Variants in SPATS2 observed in about 807,000 individuals in gnomAD.
SPATS2 encodes spermatogenesis associated serine rich 2.
Under a neutral mutation model 63.7 loss-of-function variants are expected in SPATS2, and 38 were observed. The ratio of observed to expected loss-of-function variants is 0.60; its 90% CI spans 0.46 to 0.78. SPATS2 has a LOEUF of 0.78. SPATS2 is among the 30% of genes least tolerant of loss of function. The pLI, the probability that SPATS2 is intolerant of heterozygous loss-of-function variation, is 0.00. For missense variants in SPATS2, 588 were observed against 666.2 expected (o/e 0.88, Z 1.29); for synonymous variants, 207 against 232.9 (o/e 0.89, Z 1.01).
intron 3 of SPATS2, 21 bp from the exon 4 acceptor site, chr12:49,484,569 A>G (rs1946257394): frequency 6.2e-7 from 1 of 1,610,260 alleles, no homozygotes; most frequent in African/African-American, 1.3e-5. Flanking sequence ...TGTTGAATAT[A>G]TTTTTCCCTT....
chr12:49,396,890 G>A (rs1021962802), intron 2 of SPATS2, among the ~76,000 whole-genome samples: 1 of 152,142 alleles, frequency 6.6e-6, no homozygotes, highest in Non-Finnish European at 1.5e-5. Context: ...CTGGACTTCA[G>A]CTCTGTAATA....
intron 8 of SPATS2, among the ~76,000 whole-genome samples, chr12:49,498,145 A>ATATATATATATATATAT (rs1555191173): frequency 8.1e-5 from 8 of 98,958 alleles, no homozygotes; most frequent in African/African-American, 2.9e-4. Context: ...AAAAAAAAAA[A>ATATATATATATATATAT]ATATATATAT....
At chr12:49,404,999 A>G (rs979168459) in intron 2 of SPATS2, among the ~76,000 whole-genome samples, 14 of 139,876 alleles carry the variant, frequency 1.0e-4, no homozygotes, top group Middle Eastern at 7.1e-3. Context: ...TTTTTTTTGT[A>G]TTGTCTATGG....
At chr12:49,438,845 A>G (rs563097193) in intron 2 of SPATS2, among the ~76,000 whole-genome samples, 1 of 152,296 alleles carries the variant, frequency 6.6e-6, no homozygotes, top group East Asian at 1.9e-4. Context: ...TCTATCTGCT[A>G]TGTGCCCGGT....
intron 4 of SPATS2, 70 bp from the exon 5 acceptor site, chr12:49,489,395 C>G: frequency 8.8e-7 from 1 of 1,137,744 alleles, no homozygotes; most frequent in Non-Finnish European, 1.3e-6. Context: ...TTTCATTATT[C>G]TCTGTATAGG....
At chr12:49,388,321 A>C (rs1407374218) in intron 2 of SPATS2, among the ~76,000 whole-genome samples, 2 of 151,790 alleles carry the variant, frequency 1.3e-5, no homozygotes, top group African/African-American at 4.8e-5. Context: ...GTTTACACTT[A>C]TTTCTGCTGT....
At chr12:49,400,780 A>G (rs997282203) in intron 2 of SPATS2, among the ~76,000 whole-genome samples, 1 of 152,246 alleles carries the variant, frequency 6.6e-6, no homozygotes, top group African/African-American at 2.4e-5. Flanking sequence ...TGGATGAGGC[A>G]AAAGTTTTGA....
chr12:49,525,997 G>A lies in SPATS2; in HGVS notation c.1380G>A (p.Lys460=), dbSNP rs771443411. Residue 460 remains lysine, a synonymous_variant, in exon 14 of 14, where the codon AAG becomes AAA. Transcript: ENST00000552918. ...GGQGYRPQGQ[K]SNDPMNQGRH... is the part of the protein sequence containing the mutation. Reference sequence around the variant, plus strand: ...AGGGCTATAGGCCACAAGGCCAAAAGTCCAATGACCCCATGAACCAAGGGC... The same window carrying A: ...AGGGCTATAGGCCACAAGGCCAAAAATCCAATGACCCCATGAACCAAGGGC... 3.7e-6 allele frequency: 6 copies of A among 1,614,268 alleles called. No homozygotes were observed. The highest frequency in any genetic ancestry group is 5.1e-6 in the Non-Finnish European group (6 of 1,180,050).
chr12:49,502,219 G>A (rs1946578042), intron 9 of SPATS2, among the ~76,000 whole-genome samples: 1 of 152,092 alleles, frequency 6.6e-6, no homozygotes, highest in African/African-American at 2.4e-5. Context: ...AGTCACTTTT[G>A]CCACAACATA....
intron 2 of SPATS2, among the ~76,000 whole-genome samples, chr12:49,383,946 T>C (rs913336539): frequency 6.6e-6 from 1 of 152,218 alleles, no homozygotes; most frequent in Non-Finnish European, 1.5e-5. Flanking sequence ...TTAAAAACAA[T>C]GTACTTTGAC....
chr12:49,525,291 T>A (rs1218544225), intron 13 of SPATS2, among the ~76,000 whole-genome samples: 3 of 151,640 alleles, frequency 2.0e-5, no homozygotes, highest in African/African-American at 7.3e-5. Context: ...AAAGAGAGAG[T>A]GAACTGGTGG....
At chr12:49,429,049 A>G (rs1240593873) in intron 2 of SPATS2, among the ~76,000 whole-genome samples, 2 of 152,186 alleles carry the variant, frequency 1.3e-5, no homozygotes, top group African/African-American at 4.8e-5. Flanking sequence ...AGGAGGAGAC[A>G]AACATGTATT....
chr12:49,517,316 G>A (rs1271170127), intron 10 of SPATS2, among the ~76,000 whole-genome samples: 1 of 152,184 alleles, frequency 6.6e-6, no homozygotes, highest in East Asian at 1.9e-4. Context: ...TTGGGTCTAG[G>A]CAGCCCATGT....
chr12:49,468,161 T>A (rs1945961768), intron 3 of SPATS2, among the ~76,000 whole-genome samples: 1 of 151,322 alleles, frequency 6.6e-6, no homozygotes, highest in Non-Finnish European at 1.5e-5. Context: ...TCTTGTTTTT[T>A]TTTTTCTTTT....
intron 10 of SPATS2, among the ~76,000 whole-genome samples, chr12:49,515,201 A>G (rs976126316): frequency 1.3e-5 from 2 of 152,238 alleles, no homozygotes; most frequent in African/African-American, 2.4e-5. Context: ...GGTTTTGTAC[A>G]GAAAAAACAG....
At chr12:49,401,024 C>G (rs990267233) in intron 2 of SPATS2, among the ~76,000 whole-genome samples, 2 of 152,114 alleles carry the variant, frequency 1.3e-5, no homozygotes, top group East Asian at 1.9e-4. Flanking sequence ...AGGCATGTGC[C>G]ACAACGCCTG....
chr12:49,466,403 C>T (rs1005135212), intron 3 of SPATS2, among the ~76,000 whole-genome samples: 1 of 152,132 alleles, frequency 6.6e-6, no homozygotes, highest in African/African-American at 2.4e-5. Context: ...CCTCGTGATC[C>T]ACCTGCCTCA....
At chr12:49,429,098 C>T (rs1460449396) in intron 2 of SPATS2, among the ~76,000 whole-genome samples, 1 of 152,170 alleles carries the variant, frequency 6.6e-6, no homozygotes, top group East Asian at 1.9e-4. Flanking sequence ...ACTCCCACAT[C>T]TACAGCTGCT....
chr12:49,369,983 C>G (rs1222770246), intron 1 of SPATS2, among the ~76,000 whole-genome samples: 3 of 152,092 alleles, frequency 2.0e-5, no homozygotes, highest in Non-Finnish European at 1.5e-5. Context: ...ACAACTAGAA[C>G]TGAGGGAAAC....
Sources: gnomAD v4.1 joint callset for allele counts (sites outside exome capture counted in the v4.1 genomes callset) on GRCh38, gnomAD v4.1.1 for gene constraint, MANE v1.5 for transcripts, NCBI Gene and HGNC (gene_info 2026-07-23, HGNC 2026-07-21) for gene names.